Variants in PREPL observed in about 807,000 individuals in gnomAD.
The protein encoded by PREPL is prolyl endopeptidase like, also known as prolyl endopeptidase-like.
A neutral mutation model predicts 70.6 loss-of-function variants in PREPL; 77 were observed. That is an observed-to-expected ratio of 1.09 (90% CI 0.91 to 1.32). The LOEUF is 1.32. PREPL is among the 40% of genes most tolerant of loss of function. The pLI is 0.00. For missense variants in PREPL, 1,002 were observed against 778.2 expected, an observed-to-expected ratio of 1.29 and a Z score of -3.42; for synonymous variants, 315 against 264.8, an observed-to-expected ratio of 1.19 and a Z score of -1.84.
At chr2:44,325,086 T>C (rs773337214) in intron 10 of PREPL, among the ~76,000 whole-genome samples, 1 of 152,166 alleles carries the variant, frequency 6.6e-6, no homozygotes, top group Non-Finnish European at 1.5e-5. Flanking sequence ...TTTTTTGCAT[T>C]TGAAAAACCT....
At chr2:44,322,307 G>A (rs925807316) in intron 12 of PREPL, among the ~76,000 whole-genome samples, 3 of 152,178 alleles carry the variant, frequency 2.0e-5, no homozygotes, top group African/African-American at 7.2e-5. Flanking sequence ...ATCTCATAAA[G>A]CTGAAACAGC....
At chr2:44,322,688 T>A in intron 12 of PREPL, 43 bp downstream of exon 12, 1 of 1,596,674 alleles carries the variant, frequency 6.3e-7, no homozygotes, top group South Asian at 1.1e-5. Flanking sequence ...CTGTGGGTAG[T>A]AGTCTGTTTG....
At chr2:44,337,980 G>C (rs1365543603) in intron 7 of PREPL, among the ~76,000 whole-genome samples, 1 of 152,218 alleles carries the variant, frequency 6.6e-6, no homozygotes, top group Non-Finnish European at 1.5e-5. Flanking sequence ...TGGGGATGTG[G>C]GATGGGGGAA....
intron 1 of PREPL, among the ~76,000 whole-genome samples, chr2:44,348,451 T>C (rs1341500500): frequency 6.6e-6 from 1 of 152,194 alleles, no homozygotes; most frequent in Admixed American, 6.6e-5. Flanking sequence ...GTAATTTCCA[T>C]TAAAACTTTT....
chr2:44,327,715 T>G (rs543033106), intron 9 of PREPL, among the ~76,000 whole-genome samples: 11 of 148,638 alleles, frequency 7.4e-5, no homozygotes, highest in Non-Finnish European at 1.5e-4. Flanking sequence ...TAGAAAAAAT[T>G]AGCCAGGTGT....
At chr2:44,348,536 C>T (rs1043249931) in intron 1 of PREPL, among the ~76,000 whole-genome samples, 2 of 152,188 alleles carry the variant, frequency 1.3e-5, no homozygotes, top group African/African-American at 4.8e-5. Flanking sequence ...TGGGTTCTGT[C>T]ACTTTTAAAT....
intron 7 of PREPL, among the ~76,000 whole-genome samples, chr2:44,334,823 G>A (rs557935033): frequency 9.2e-5 from 14 of 152,234 alleles, no homozygotes; most frequent in East Asian, 7.7e-4. Context: ...CAGGTGATCC[G>A]CCTGCCTTGG....
chr2:44,346,369 C>T lies in PREPL; in HGVS notation c.-27G>A, dbSNP rs759701052. ...TTTTCTGGAAGGGGTTTTTCGTTTTCTTGTTTAACAGGCTGAAGATCCTGG... is the reference window on the plus strand; with the variant it reads ...TTTTCTGGAAGGGGTTTTTCGTTTTTTTGTTTAACAGGCTGAAGATCCTGG... On this transcript the variant is annotated 5_prime_UTR_variant, in exon 2 of 14. Coordinates refer to ENST00000409411, the MANE Select transcript of PREPL (RefSeq NM_001171613.2). The T allele has an allele frequency of 1.8e-5, 29 of 1,612,252 alleles. 2 individuals are homozygous for T. In the South Asian group the frequency reaches 2.3e-4, roughly 13 times the overall value.
At chr2:44,327,606 A>G (rs1335372587) in intron 9 of PREPL, among the ~76,000 whole-genome samples, 2 of 152,200 alleles carry the variant, frequency 1.3e-5, no homozygotes, top group African/African-American at 4.8e-5. Context: ...CAAGCCTGTC[A>G]TCTCAGCATT....
rs973615302 is a variant in PREPL, at chr2:44,332,596, A to G, written c.949T>C (p.Phe317Leu). 1.2e-6 allele frequency: 2 copies of G among 1,613,880 alleles called. No homozygotes were observed. The highest frequency in any genetic ancestry group is 1.7e-6 in the Non-Finnish European group (2 of 1,179,882). The change falls in exon 8 of 14, where the codon TTT becomes CTT. Residue 317 changes from phenylalanine to leucine, a missense_variant. Physicochemically the swap from Phe to Leu is conservative, Grantham distance 22. Coordinates refer to ENST00000409411, the MANE Select transcript of PREPL (RefSeq NM_001171613.2). ...GGACGTATTGGAGAGCAAAGTTGAA[A>G]GGGGCAGTTCTTTGGGTCAGAATTT... ...DTNSDPKNCPFQLCSPIRPPK... is the reference protein window; with the variant it reads ...DTNSDPKNCPLQLCSPIRPPK...
chr2:44,352,173 C>G (rs2104129957), intron 1 of PREPL, among the ~76,000 whole-genome samples: 1 of 152,332 alleles, frequency 6.6e-6, no homozygotes, highest in East Asian at 1.9e-4. Flanking sequence ...TATCCCCACA[C>G]TGCCTATTCA....
At chr2:44,347,328 C>G (rs1047743858) in intron 1 of PREPL, 3 of 151,984 alleles carry the variant, frequency 2.0e-5, no homozygotes, top group Non-Finnish European at 2.9e-5. Flanking sequence ...GAGACCCTGT[C>G]TCAACAACAA....
chr2:44,360,073 A>G, intron 1 of PREPL: 1 of 183,606 alleles, frequency 5.4e-6, no homozygotes, highest in East Asian at 1.5e-4. Flanking sequence ...ACAAAATATA[A>G]ATTTGCAAAT....
chr2:44,326,809 G>C lies in PREPL; in HGVS notation c.1382C>G (p.Pro461Arg). The C allele has an allele frequency of 3.1e-6, 5 of 1,614,140 alleles. No individual in the cohort carries two copies. Among genetic ancestry groups the C allele is most frequent in the Non-Finnish European group, 4.2e-6 (5 of 1,180,014 alleles). The change falls in exon 10 of 14, where the codon CCA becomes CGA. Residue 461 changes from proline (P) to arginine (R), a missense_variant. Transcript: ENST00000409411. The stretch of plus-strand genomic sequence containing the variant: ...GAAAGCAGTCAGGGTTGTTAGACTT[G>C]GCTGAGAAAAGCCTTGGCCATGAAG... The part of the protein sequence containing the change: ...KTLHGQGFSQ[P>R]SLTTLTAFSA...
chr2:44,327,076 G>GA, intron 9 of PREPL, 148 bp from the exon 10 acceptor site: 1 of 673,128 alleles, frequency 1.5e-6, no homozygotes, highest in Non-Finnish European at 2.6e-6. Context: ...TGAAAACAAG[G>GA]AATGTGCAAC....
At chr2:44,342,681 T>C in intron 4 of PREPL, 129 bp from the exon 5 acceptor site, 1 of 723,086 alleles carries the variant, frequency 1.4e-6, no homozygotes, top group East Asian at 2.7e-5. Flanking sequence ...GAAATCTAAA[T>C]ATTTGACTGT....
At chr2:44,322,935 C>A (rs1437611956) in intron 11 of PREPL, 81 bp from the exon 12 acceptor site, 1 of 1,522,852 alleles carries the variant, frequency 6.6e-7, no homozygotes, top group Non-Finnish European at 8.8e-7. Context: ...AAAATAATTA[C>A]CTCCAATTTT....
At position 44,326,860 on chromosome 2, in the gene PREPL, G is replaced by A. The variant is rs779907207; in HGVS notation, c.1331C>T (p.Ala444Val). 12 of 1,614,146 alleles carry A rather than the reference G, an allele frequency of 7.4e-6. No homozygotes were observed. In the South Asian group the frequency reaches 1.3e-4, roughly 18 times the overall value. ...GRLTKKLNGL[A>V]DLEACIKTLH... is the part of the protein sequence containing the mutation. Reference sequence around the variant, plus strand: ...CGTCTTAATGCAAGCCTCTAAATCAGCAAGGCCATTGAGTTTTTTAGTTAG... The same window carrying A: ...CGTCTTAATGCAAGCCTCTAAATCAACAAGGCCATTGAGTTTTTTAGTTAG... Residue 444 changes from alanine to valine, a missense_variant, in exon 10 of 14, where the codon GCT (alanine) becomes GTT (valine). Coordinates refer to ENST00000409411, the MANE Select transcript of PREPL (RefSeq NM_001171613.2).
chr2:44,342,388 A>C, intron 5 of PREPL, 29 bp downstream of exon 5: 1 of 1,562,946 alleles, frequency 6.4e-7, no homozygotes, highest in African/African-American at 1.4e-5. Flanking sequence ...GGTTCTGGAG[A>C]GAAAGATTTA....
Sources: gnomAD v4.1 joint callset for allele counts (sites outside exome capture counted in the v4.1 genomes callset) on GRCh38, gnomAD v4.1.1 for gene constraint, MANE v1.5 for transcripts, NCBI Gene and HGNC (gene_info 2026-07-23, HGNC 2026-07-21) for gene names.